SNX29: variants seen among roughly 807,000 people sequenced by gnomAD.
SNX29 encodes the protein sorting nexin 29.
A neutral mutation model predicts 102.1 loss-of-function variants in SNX29; 78 were observed. That is an observed-to-expected ratio of 0.76 (90% CI 0.64 to 0.92). The LOEUF is 0.92. SNX29 is among the 40% of genes least tolerant of loss of function. SNX29 has a pLI of 0.00. For synonymous variants in SNX29, 580 were observed against 414.5 expected, an observed-to-expected ratio of 1.40 and a Z score of -4.85; for missense variants, 1,280 against 1,061.7, an observed-to-expected ratio of 1.21 and a Z score of -2.86.
intron 16 of SNX29, chr16:12,373,655 G>A (rs928435655): frequency 6.6e-6 from 1 of 151,880 alleles, no homozygotes; most frequent in African/African-American, 2.4e-5. Context: ...TTTTATGTAT[G>A]GCTGTGTCCC....
intron 18 of SNX29, among the ~76,000 whole-genome samples, chr16:12,417,041 G>A (rs1597306530): frequency 6.6e-6 from 1 of 152,234 alleles, no homozygotes; most frequent in Non-Finnish European, 1.5e-5. Context: ...AGTGAGATAC[G>A]CTTGAGTAAG....
intron 19 of SNX29, among the ~76,000 whole-genome samples, chr16:12,478,126 T>A (rs1428788065): frequency 6.6e-6 from 1 of 152,234 alleles, no homozygotes; most frequent in Non-Finnish European, 1.5e-5. Context: ...AGAGTAAATA[T>A]GTTTGGCTTT....
rs60781010 is a variant in SNX29 at position 12,080,873 on chromosome 16, G to T, written c.1402+1958G>T. Among the ~76,000 whole-genome samples the T allele has an allele frequency of 2.0e-3, 307 of 151,856 alleles. 4 individuals carry two copies. In the East Asian group the frequency reaches 0.054, roughly 27 times the overall value. ...TAATTTTTGTATTTTTAGTAGAGAT[G>T]GGGTTTCGCCATGTTGGCCGGGCTG... On this transcript the variant is annotated intron_variant, in intron 11 of 20. Coordinates refer to ENST00000566228, the MANE Select transcript of SNX29 (RefSeq NM_032167.5).
intron 14 of SNX29, among the ~76,000 whole-genome samples, chr16:12,271,941 C>G (rs1423007529): frequency 6.6e-6 from 1 of 152,072 alleles, no homozygotes; most frequent in Non-Finnish European, 1.5e-5. Flanking sequence ...ATCTTCGAAG[C>G]TGCTTACTGA....
intron 19 of SNX29, chr16:12,515,610 C>T (rs1232710361): frequency 2.0e-6 from 1 of 488,070 alleles, no homozygotes. Flanking sequence ...CCGAAGTCAC[C>T]TCCTCCCAGG....
chr16:12,370,810 A>C (rs2082655143), intron 16 of SNX29, among the ~76,000 whole-genome samples: 1 of 152,178 alleles, frequency 6.6e-6, no homozygotes, highest in African/African-American at 2.4e-5. Context: ...GCCTAGATTC[A>C]TTGCTGTCTC....
At chr16:12,437,840 C>A (rs572682913) in intron 18 of SNX29, among the ~76,000 whole-genome samples, 1 of 152,206 alleles carries the variant, frequency 6.6e-6, no homozygotes, top group Non-Finnish European at 1.5e-5. Flanking sequence ...TTCCAAACCA[C>A]TCTGGGGGGT....
chr16:12,069,457 A>G (rs1203785643), intron 10 of SNX29, among the ~76,000 whole-genome samples: 1 of 151,844 alleles, frequency 6.6e-6, no homozygotes, highest in African/African-American at 2.4e-5. Flanking sequence ...TAGTGGAGAT[A>G]GGGTTTCACC....
chr16:12,121,598 CA>C (rs1199880828), intron 11 of SNX29, among the ~76,000 whole-genome samples: 3 of 152,202 alleles, frequency 2.0e-5, no homozygotes, highest in African/African-American at 4.8e-5. Flanking sequence ...GCCGCTTTGC[CA>C]GACTCGGCAC....
At chr16:11,978,136 A>G (rs2055342960) in intron 1 of SNX29, among the ~76,000 whole-genome samples, 1 of 152,174 alleles carries the variant, frequency 6.6e-6, no homozygotes, top group South Asian at 2.1e-4. Context: ...AAGATTTGTG[A>G]AATGGACAGT....
At chr16:12,514,732 G>A (rs534979261) in intron 19 of SNX29, among the ~76,000 whole-genome samples, 1 of 152,260 alleles carries the variant, frequency 6.6e-6, no homozygotes, top group Non-Finnish European at 1.5e-5. Context: ...GGGCGTGGTG[G>A]CATGTACCTG....
At chr16:12,513,296 C>T (rs1442874118) in intron 19 of SNX29, among the ~76,000 whole-genome samples, 1 of 148,296 alleles carries the variant, frequency 6.7e-6, no homozygotes, top group African/African-American at 2.5e-5. Context: ...GCCCTCCTGC[C>T]TTGCCCTCCT....
chr16:12,165,438 A>G (rs777616574), intron 13 of SNX29, among the ~76,000 whole-genome samples: 14 of 152,266 alleles, frequency 9.2e-5, no homozygotes, highest in Admixed American at 3.3e-4. Context: ...AAGATGAAAA[A>G]TGATACATGT....
chr16:12,520,677 C>G (rs1336942920), intron 19 of SNX29, among the ~76,000 whole-genome samples: 14 of 152,192 alleles, frequency 9.2e-5, no homozygotes, highest in Non-Finnish European at 1.6e-4. Flanking sequence ...GGCCATTATT[C>G]TAAGTGAAGT....
intron 3 of SNX29, among the ~76,000 whole-genome samples, chr16:12,007,572 C>T (rs1443727644): frequency 1.3e-5 from 2 of 152,122 alleles, no homozygotes; most frequent in East Asian, 1.9e-4. Flanking sequence ...TTAAAAATAA[C>T]TTAGGACTGA....
At chr16:12,470,885 G>C (rs2087304696) in intron 18 of SNX29, among the ~76,000 whole-genome samples, 1 of 152,196 alleles carries the variant, frequency 6.6e-6, no homozygotes, top group Non-Finnish European at 1.5e-5. Context: ...TGCCAGGCAT[G>C]GGCGAGGCAC....
At chr16:12,306,738 C>T (rs1319954682) in intron 15 of SNX29, among the ~76,000 whole-genome samples, 6 of 152,240 alleles carry the variant, frequency 3.9e-5, no homozygotes, top group South Asian at 4.1e-4. Flanking sequence ...TTCCCCAGCA[C>T]TTTAGAAATT....
intron 1 of SNX29, among the ~76,000 whole-genome samples, chr16:11,991,017 C>T (rs1794330): frequency 1.3e-5 from 2 of 152,184 alleles, no homozygotes; most frequent in Non-Finnish European, 2.9e-5. Flanking sequence ...CCCACAAAGC[C>T]TAAAATATTG....
chr16:12,014,363 G>T (rs2056777489), intron 3 of SNX29, among the ~76,000 whole-genome samples: 1 of 152,106 alleles, frequency 6.6e-6, no homozygotes, highest in Non-Finnish European at 1.5e-5. Flanking sequence ...TATCCAGGCA[G>T]CATTTGCATC....
Sources: allele counts gnomAD v4.1 joint callset (sites outside exome capture counted in the v4.1 genomes callset), GRCh38; gene constraint gnomAD v4.1.1; transcripts MANE v1.5; gene names NCBI Gene and HGNC (gene_info 2026-07-23, HGNC 2026-07-21).